The following DIP2C variants were observed in gnomAD, a reference collection of about 807,000 sequenced individuals.
The protein encoded by DIP2C is DIP2 acetate--CoA ligase C (putative), also known as disco-interacting protein 2 homolog C.
A neutral mutation model predicts 192.4 loss-of-function variants in DIP2C; 33 were observed. The ratio of observed to expected loss-of-function variants is 0.17; its 90% CI spans 0.13 to 0.23. DIP2C has a LOEUF of 0.23. DIP2C is among the 10% of genes least tolerant of loss of function. The probability of loss-of-function intolerance (pLI) is 1.00; values close to 1 mark genes in which losing one functional copy is unlikely to be tolerated. For missense variants in DIP2C, 1,537 were observed against 2,110.1 expected (o/e 0.73, Z 5.32); for synonymous variants, 979 against 864.1 (o/e 1.13, Z -2.33).
intron 32 of DIP2C, among the ~76,000 whole-genome samples, chr10:304,938 A>T (rs1051079604): frequency 1.3e-5 from 2 of 152,170 alleles, no homozygotes; most frequent in Non-Finnish European, 2.9e-5. Context: ...ACATATTTGT[A>T]TGCACACACA....
At chr10:618,235 A>G (rs1853602714) in intron 1 of DIP2C, among the ~76,000 whole-genome samples, 1 of 152,256 alleles carries the variant, frequency 6.6e-6, no homozygotes, top group Admixed American at 6.5e-5. Flanking sequence ...CAAATGGTTC[A>G]TTAATATAAA....
intron 4 of DIP2C, among the ~76,000 whole-genome samples, chr10:425,292 G>A (rs201028993): frequency 3.2e-3 from 179 of 56,818 alleles, no homozygotes; most frequent in South Asian, 8.5e-3. Context: ...AATATGACAC[G>A]GATGATACAG....
At chr10:429,019 C>T (rs547471796) in intron 4 of DIP2C, among the ~76,000 whole-genome samples, 1 of 152,084 alleles carries the variant, frequency 6.6e-6, no homozygotes, top group Non-Finnish European at 1.5e-5. Context: ...GTATACTTGT[C>T]ACAACTGATG....
At chr10:567,218 T>C (rs974998866) in intron 1 of DIP2C, among the ~76,000 whole-genome samples, 2 of 152,038 alleles carry the variant, frequency 1.3e-5, no homozygotes, top group African/African-American at 4.8e-5. Flanking sequence ...AGACACAATA[T>C]CACTCTGTCG....
intron 1 of DIP2C, chr10:650,893 C>T (rs1031019256): frequency 1.4e-6 from 1 of 717,396 alleles, no homozygotes; most frequent in African/African-American, 1.7e-5. Flanking sequence ...GATTCGTGGG[C>T]CTCACGGGGG....
intron 1 of DIP2C, among the ~76,000 whole-genome samples, chr10:669,780 G>C (rs1227051063): frequency 6.6e-6 from 1 of 152,216 alleles, no homozygotes; most frequent in Admixed American, 6.5e-5. Flanking sequence ...GTGATCTGAA[G>C]ACAGAATATT....
At chr10:412,020 C>T (rs1441751079) in intron 8 of DIP2C, among the ~76,000 whole-genome samples, 1 of 152,146 alleles carries the variant, frequency 6.6e-6, no homozygotes, top group Non-Finnish European at 1.5e-5. Context: ...AGTTAAAATG[C>T]TTTGGTTGTG....
chr10:513,783 A>C (rs879867732), intron 1 of DIP2C, among the ~76,000 whole-genome samples: 1 of 152,184 alleles, frequency 6.6e-6, no homozygotes, highest in African/African-American at 2.4e-5. Flanking sequence ...TGTGCATGGC[A>C]ATTTTAAAAG....
In DIP2C at chr10:474,283, G is replaced by A. The variant is rs149857379; in HGVS notation, c.158-1734C>T. ...ACTGTGGTCATCAACATCAGCGTCC[G>A]CAGTGTGCTACAAATACCGTTCTAT... On this transcript the variant is annotated intron_variant, in intron 2 of 36. Transcript: ENST00000280886. Among the ~76,000 whole-genome samples, 1,435 of 152,250 alleles carry A rather than the reference G, an allele frequency of 9.4e-3. 11 individuals carry two copies. The highest frequency in any genetic ancestry group is 0.012 in the Non-Finnish European group (799 of 68,036).
At chr10:458,799 T>C (rs1038392501) in intron 3 of DIP2C, among the ~76,000 whole-genome samples, 4 of 152,188 alleles carry the variant, frequency 2.6e-5, no homozygotes, top group African/African-American at 9.6e-5. Context: ...GCAAGGAGGA[T>C]GCCCTCTACA....
In DIP2C at chr10:484,498, ATTC is replaced by A. The variant is rs572750977; in HGVS notation, c.157+1958_157+1960del. ...TAAGAAGTTTTATAATTTGTCACGC[ATTC>A]TTCTTAAGTGTTTTCTAAGTGGTGC... On this transcript the variant is annotated intron_variant, in intron 2 of 36. Transcript: ENST00000280886. 1.5e-3 allele frequency among the ~76,000 whole-genome samples: 230 copies of A among 152,336 alleles called. 1 individual carries two copies. The highest frequency in any genetic ancestry group is 3.5e-3 in the Admixed American group (54 of 15,308).
At chr10:641,918 G>A (rs1488217776) in intron 1 of DIP2C, 1 of 152,170 alleles carries the variant, frequency 6.6e-6, no homozygotes, top group Admixed American at 6.5e-5. Flanking sequence ...AGCTACTCAG[G>A]GGGCTGAGGT....
chr10:378,597 A>G (rs1250105631), intron 17 of DIP2C, among the ~76,000 whole-genome samples: 2 of 152,178 alleles, frequency 1.3e-5, no homozygotes, highest in Non-Finnish European at 2.9e-5. Context: ...AGACATAGAC[A>G]CACATGAACA....
intron 3 of DIP2C, among the ~76,000 whole-genome samples, chr10:469,358 C>T (rs534274847): frequency 8.6e-5 from 13 of 150,448 alleles, no homozygotes; most frequent in South Asian, 8.5e-4. Flanking sequence ...ACTCTGTCGC[C>T]GAGGCTGGAG....
intron 17 of DIP2C, 56 bp downstream of exon 17, chr10:382,591 G>A (rs1456464566): frequency 2.1e-5 from 29 of 1,387,702 alleles, no homozygotes; most frequent in East Asian, 1.2e-4. Context: ...ATCTCCCTTC[G>A]CTGCTGAATT....
chr10:357,134 T>A (rs1421374009), intron 23 of DIP2C, among the ~76,000 whole-genome samples: 2 of 152,196 alleles, frequency 1.3e-5, no homozygotes, highest in African/African-American at 2.4e-5. Flanking sequence ...GGTGCTGATT[T>A]TGCCCCATTT....
intron 1 of DIP2C, among the ~76,000 whole-genome samples, chr10:644,179 C>A (rs188006268): frequency 3.3e-4 from 50 of 152,314 alleles, no homozygotes; most frequent in African/African-American, 1.2e-3. Context: ...AGTCCAGGAG[C>A]CCCTCAGGAG....
At chr10:586,924 C>G (rs1851074391) in intron 1 of DIP2C, among the ~76,000 whole-genome samples, 1 of 151,902 alleles carries the variant, frequency 6.6e-6, no homozygotes, top group Non-Finnish European at 1.5e-5. Flanking sequence ...TGGGTCCCCA[C>G]TGACAGCATG....
chr10:582,203 C>T (rs373139780), intron 1 of DIP2C, among the ~76,000 whole-genome samples: 1 of 152,320 alleles, frequency 6.6e-6, no homozygotes, highest in South Asian at 2.1e-4. Flanking sequence ...CACCAGTCTG[C>T]AGCCCAGGGC....
Sources: allele counts gnomAD v4.1 joint callset (sites outside exome capture counted in the v4.1 genomes callset), GRCh38; gene constraint gnomAD v4.1.1; transcripts MANE v1.5; gene names NCBI Gene and HGNC (gene_info 2026-07-23, HGNC 2026-07-21).